The following CILK1 variants were observed in gnomAD, a reference collection of about 807,000 sequenced individuals.
CILK1 encodes serine/threonine-protein kinase ICK.
A neutral mutation model predicts 79.2 loss-of-function variants in CILK1; 47 were observed. The ratio of observed to expected loss-of-function variants is 0.59; its 90% CI spans 0.47 to 0.76. The LOEUF (loss-of-function observed/expected upper bound fraction) is 0.76, where lower values mean the gene tolerates loss of function less well. Among genes scored for constraint, CILK1 ranks in the 30% least tolerant of loss-of-function variants. The pLI is 0.00. For missense variants in CILK1, 660 were observed against 769.5 expected (o/e 0.86, Z 1.68); for synonymous variants, 266 against 275.9 (o/e 0.96, Z 0.36).
intron 12 of CILK1, 82 bp downstream of exon 12, chr6:53,009,357 C>G (rs1481614548): frequency 8.0e-6 from 11 of 1,374,218 alleles, no homozygotes; most frequent in Admixed American, 1.7e-5. Context: ...TTCCAAAGCC[C>G]GTCCCATGAC....
chr6:53,033,150 T>G (rs1367995087), intron 3 of CILK1, among the ~76,000 whole-genome samples: 1 of 152,228 alleles, frequency 6.6e-6, no homozygotes, highest in Non-Finnish European at 1.5e-5. Context: ...CTGACTCATG[T>G]ATGTCCATGA....
intron 5 of CILK1, 29 bp from the exon 6 acceptor site, chr6:53,019,388 C>T: frequency 1.2e-6 from 2 of 1,613,112 alleles, no homozygotes; most frequent in Non-Finnish European, 1.7e-6. Flanking sequence ...AGAAGAAATC[C>T]AAATGCAAGT....
Position 53,019,286 on chromosome 6 carries a change from A to G in CILK1, c.432T>C (p.Phe144=), listed in dbSNP as rs1482486960. The G allele has an allele frequency of 6.2e-7, 1 of 1,614,106 alleles. No homozygotes were observed. The change falls in exon 6 of 14, where the codon TTT becomes TTC. Residue 144 remains phenylalanine, a synonymous_variant. Coordinates refer to ENST00000676107, the MANE Select transcript of CILK1 (RefSeq NM_014920.5). ...TTGATCGTATTTCTCGGGCCAAACC[A>G]AAGTCTGCAATTTTCACAAGTTCTG... ...MGPELVKIAD[F]GLAREIRSKP...
In CILK1 at chr6:53,009,555, C is replaced by G; in HGVS notation, c.1505G>C (p.Arg502Thr). Residue 502 changes from arginine (R) to threonine (T), a missense_variant, in exon 12 of 14, where the codon AGA becomes ACA. Arg to Thr is a moderately conservative substitution (Grantham distance 71). Coordinates refer to ENST00000676107, the MANE Select transcript of CILK1 (RefSeq NM_014920.5). ...HSRYLPGISIRNGILSNPGKE... is the reference protein window; with the variant it reads ...HSRYLPGISITNGILSNPGKE... The stretch of plus-strand genomic sequence containing the variant: ...GCCTGGATTCGAGAGTATGCCATTT[C>G]TTATACTGATCCCTGATAGAGAAGA... 1 of 1,608,126 alleles carries G rather than the reference C, an allele frequency of 6.2e-7. No individual in the cohort carries two copies. The highest frequency in any genetic ancestry group is 8.5e-7 in the Non-Finnish European group (1 of 1,174,548).
chr6:53,031,065 C>T lies in CILK1; in HGVS notation c.358G>A (p.Gly120Ser), dbSNP rs1157785470. ...LQGLAFIHKH[G>S]FFHRDLKPEN... Reference sequence around the variant, plus strand: ...AAGCACAACACTCCGAATCACCTACCGTGTTTGTGAATAAATGCGAGTCCT... The same window carrying T: ...AAGCACAACACTCCGAATCACCTACTGTGTTTGTGAATAAATGCGAGTCCT... Residue 120 changes from glycine to serine, a missense_variant and splice_region_variant, in exon 5 of 14, where the codon GGC (glycine) becomes AGC (serine). Physicochemically the swap from Gly to Ser is moderately conservative, Grantham distance 56. Transcript: ENST00000676107. 3.8e-6 allele frequency: 6 copies of T among 1,580,782 alleles called. No individual in the cohort carries two copies. Among genetic ancestry groups the T allele is most frequent in the Non-Finnish European group, 4.3e-6 (5 of 1,149,892 alleles).
Position 53,041,134 on chromosome 6 carries a change from A to G in CILK1, c.101+2T>C, listed in dbSNP as rs1407416926. 1 of 1,597,940 alleles carries G rather than the reference A, an allele frequency of 6.3e-7. No homozygotes were observed. The highest frequency in any genetic ancestry group is 2.2e-5 in the East Asian group (1 of 44,816). On this transcript the variant is annotated splice_donor_variant, in intron 2 of 13. Coordinates refer to ENST00000676107, the MANE Select transcript of CILK1 (RefSeq NM_014920.5). LOFTEE classifies it high-confidence loss of function. ...ATCATGGCAGTGAAGGATCAAACTTACTTTTTAATAGCGATCAGCTCCCCA... is the reference window on the plus strand; with the variant it reads ...ATCATGGCAGTGAAGGATCAAACTTGCTTTTTAATAGCGATCAGCTCCCCA...
At chr6:53,027,798 A>T (rs561231132) in intron 5 of CILK1, among the ~76,000 whole-genome samples, 8 of 152,316 alleles carry the variant, frequency 5.3e-5, no homozygotes, top group Middle Eastern at 3.4e-3. Context: ...TGACAGCAGG[A>T]GTTGGAGACC....
At chr6:53,029,319 G>A (rs1765773878) in intron 5 of CILK1, among the ~76,000 whole-genome samples, 1 of 152,106 alleles carries the variant, frequency 6.6e-6, no homozygotes, top group Non-Finnish European at 1.5e-5. Flanking sequence ...ACCATCTCTT[G>A]TGAATTCTTG....
At chr6:53,028,535 T>C (rs1765725545) in intron 5 of CILK1, among the ~76,000 whole-genome samples, 1 of 152,230 alleles carries the variant, frequency 6.6e-6, no homozygotes, top group African/African-American at 2.4e-5. Flanking sequence ...TAACACCTAT[T>C]CGTTCTACCT....
At chr6:53,028,263 C>A (rs983388943) in intron 5 of CILK1, among the ~76,000 whole-genome samples, 2 of 152,178 alleles carry the variant, frequency 1.3e-5, no homozygotes, top group Admixed American at 1.3e-4. Flanking sequence ...TTGCAGTGAG[C>A]CGAGACTGCG....
At chr6:53,007,681 G>A (rs1337841392) in intron 12 of CILK1, among the ~76,000 whole-genome samples, 1 of 151,874 alleles carries the variant, frequency 6.6e-6, no homozygotes, top group Non-Finnish European at 1.5e-5. Flanking sequence ...TGTAATCCCA[G>A]CACAATGGGA....
intron 5 of CILK1, among the ~76,000 whole-genome samples, chr6:53,028,820 A>AGTGTGTGT (rs140225032): frequency 1.5e-4 from 23 of 148,844 alleles, no homozygotes; most frequent in African/African-American, 4.7e-4. Context: ...ACTACAGATG[A>AGTGTGTGT]GTGTGTGTGT....
intron 7 of CILK1, among the ~76,000 whole-genome samples, chr6:53,017,212 T>A (rs1049103140): frequency 3.7e-4 from 57 of 152,268 alleles, no homozygotes; most frequent in African/African-American, 1.2e-3. Context: ...GATTAAAAAA[T>A]TTTTTTGAGG....
At chr6:53,025,358 CT>C (rs1193004848) in intron 5 of CILK1, among the ~76,000 whole-genome samples, 20 of 152,202 alleles carry the variant, frequency 1.3e-4, no homozygotes, top group Non-Finnish European at 1.5e-5. Context: ...TGTCTTCTCT[CT>C]GCTCAGTTCT....
intron 1 of CILK1, among the ~76,000 whole-genome samples, chr6:53,058,827 A>G (rs1053348218): frequency 2.6e-5 from 4 of 152,116 alleles, no homozygotes; most frequent in Non-Finnish European, 5.9e-5. Flanking sequence ...AATGCATTTT[A>G]TAAGGGCAGA....
At chr6:53,006,169 A>G (rs1037359933) in intron 13 of CILK1, 146 bp downstream of exon 13, 6 of 692,538 alleles carry the variant, frequency 8.7e-6, no homozygotes, top group African/African-American at 1.8e-5. Context: ...TATATGTTAT[A>G]TAGCACTTAT....
intron 3 of CILK1, among the ~76,000 whole-genome samples, chr6:53,035,017 C>T (rs79711499): frequency 4.6e-5 from 7 of 152,148 alleles, no homozygotes; most frequent in Admixed American, 3.9e-4. Context: ...CTGAGGGAGA[C>T]TCATCTGTAA....
intron 1 of CILK1, among the ~76,000 whole-genome samples, chr6:53,055,510 C>G (rs573264837): frequency 6.6e-6 from 1 of 152,282 alleles, no homozygotes; most frequent in South Asian, 2.1e-4. Context: ...TTGTCTTTAC[C>G]TTGACAGAGG....
At chr6:53,053,049 C>T (rs1767595798) in intron 1 of CILK1, among the ~76,000 whole-genome samples, 3 of 69,270 alleles carry the variant, frequency 4.3e-5, no homozygotes, top group Middle Eastern at 6.1e-3. Context: ...AAAGTAAAAG[C>T]CTGAAAAAAA....
Sources: gnomAD v4.1 joint callset for allele counts (sites outside exome capture counted in the v4.1 genomes callset) on GRCh38, gnomAD v4.1.1 for gene constraint, MANE v1.5 for transcripts, NCBI Gene and HGNC (gene_info 2026-07-23, HGNC 2026-07-21) for gene names.